The following EFCAB13 variants were observed in gnomAD, a reference collection of about 807,000 sequenced individuals.
EFCAB13 encodes EF-hand calcium-binding domain-containing protein 13.
A neutral mutation model predicts 110.2 loss-of-function variants in EFCAB13; 91 were observed. The observed-to-expected ratio is 0.83, with a 90% CI of 0.70 to 0.98. The LOEUF (loss-of-function observed/expected upper bound fraction) is 0.98. EFCAB13 is among the 50% of genes least tolerant of loss of function. The pLI, the probability that EFCAB13 is intolerant of heterozygous loss-of-function variation, is 0.00. For synonymous variants in EFCAB13, 323 were observed against 369.9 expected (o/e 0.87, Z 1.45); for missense variants, 968 against 1,119.4 (o/e 0.86, Z 1.93).
At position 47,378,967 on chromosome 17, in the gene EFCAB13, G is replaced by A. The variant is rs115541719; in HGVS notation, c.1511-215G>A. On this transcript the variant is annotated intron_variant, in intron 13 of 24. Coordinates refer to ENST00000331493, the MANE Select transcript of EFCAB13 (RefSeq NM_152347.5). ...GTGTCTTTCTTATTTTTGTATTCTC[G>A]GTGCCTAGCATGGTTCTTGGCACTA... Among the ~76,000 whole-genome samples, 379 of 151,818 alleles carry A rather than the reference G, an allele frequency of 2.5e-3. 4 individuals carry two copies. The highest frequency in any genetic ancestry group is 8.9e-3 in the African/African-American group (370 of 41,380).
intron 18 of EFCAB13, among the ~76,000 whole-genome samples, 177 bp downstream of exon 18, chr17:47,402,380 G>C (rs2143445622): frequency 6.6e-6 from 1 of 152,290 alleles, no homozygotes. Flanking sequence ...TAGGAACTTG[G>C]CTTTCAGAAT....
chr17:47,385,476 C>T (rs1441802783), intron 14 of EFCAB13, among the ~76,000 whole-genome samples: 5 of 151,692 alleles, frequency 3.3e-5, no homozygotes, highest in Non-Finnish European at 5.9e-5. Flanking sequence ...GTTCTTGTGC[C>T]GTGTTTTTCA....
In EFCAB13 at chr17:47,379,192, G is replaced by A. The variant is rs139186910; in HGVS notation, c.1521G>A (p.Met507Ile). Residue 507 changes from methionine to isoleucine, a missense_variant, in exon 14 of 25, where the codon ATG becomes ATA. Physicochemically the swap from Met to Ile is conservative, Grantham distance 10 (BLOSUM62 1). Coordinates refer to ENST00000331493, the MANE Select transcript of EFCAB13 (RefSeq NM_152347.5). ...TCTTTTTAAAAACAGAGAATGGAAT[G>A]GTGGAGTTAGATGACTTTGTAAATG... ...VTDTSRNENGMVELDDFVNAL... is the reference protein window; with the variant it reads ...VTDTSRNENGIVELDDFVNAL... The A allele has an allele frequency of 2.5e-4, 404 of 1,612,570 alleles. 1 individual carries two copies. The highest frequency in any genetic ancestry group is 3.2e-4 in the Non-Finnish European group (373 of 1,179,082).
intron 5 of EFCAB13, among the ~76,000 whole-genome samples, chr17:47,336,198 C>T (rs1395445424): frequency 7.3e-5 from 11 of 151,630 alleles, no homozygotes; most frequent in Admixed American, 4.6e-4. Flanking sequence ...GCAGCCATGG[C>T]TCACTGCAAC....
intron 24 of EFCAB13, among the ~76,000 whole-genome samples, chr17:47,439,175 T>TTTG (rs1567810483): frequency 8.0e-6 from 1 of 124,838 alleles, no homozygotes; most frequent in East Asian, 2.8e-4. Context: ...TGTTTTGTTT[T>TTTG]TTTTTTTTTT....
At chr17:47,371,432 T>C (rs1482622557) in intron 11 of EFCAB13, among the ~76,000 whole-genome samples, 1 of 152,192 alleles carries the variant, frequency 6.6e-6, no homozygotes. Flanking sequence ...TTAGTTTCAT[T>C]CTTCTGCATA....
chr17:47,328,045 G>A (rs2065297427), intron 3 of EFCAB13: 1 of 467,484 alleles, frequency 2.1e-6, no homozygotes, highest in Non-Finnish European at 3.8e-6. Context: ...TTTGAAACTG[G>A]ATTTCTCAAA....
At chr17:47,332,151 T>C (rs1382852986) in intron 4 of EFCAB13, among the ~76,000 whole-genome samples, 1 of 152,180 alleles carries the variant, frequency 6.6e-6, no homozygotes, top group Non-Finnish European at 1.5e-5. Context: ...CAAACTGTAT[T>C]CCAAAGTGGT....
intron 23 of EFCAB13, among the ~76,000 whole-genome samples, chr17:47,420,564 A>C: frequency 6.9e-5 from 9 of 130,254 alleles, no homozygotes; most frequent in Non-Finnish European, 9.7e-5. Context: ...CCGGCCGCCC[A>C]TCGTCTGAGA....
In EFCAB13 at chr17:47,429,952, C is replaced by T. The variant is rs777774488; in HGVS notation, c.2629C>T (p.Pro877Ser). Reference sequence around the variant, plus strand: ...ACTTACTGTAATGTTAAGACATGTACCTGAACATGGTTAGTAGTTTCAATG... The same window carrying T: ...ACTTACTGTAATGTTAAGACATGTATCTGAACATGGTTAGTAGTTTCAATG... ...AILTVMLRHV[P>S]EHESGKVSIQ... Residue 877 changes from proline to serine, a missense_variant, in exon 24 of 25, where the codon CCT (proline) becomes TCT (serine). Transcript: ENST00000331493. 6.2e-6 allele frequency: 10 copies of T among 1,602,236 alleles called. No individual in the cohort carries two copies. The South Asian group carries it at 1.1e-4, about 18-fold the overall frequency.
intron 9 of EFCAB13, among the ~76,000 whole-genome samples, chr17:47,351,159 A>G (rs554452245): frequency 2.6e-5 from 4 of 152,132 alleles, no homozygotes; most frequent in Non-Finnish European, 5.9e-5. Flanking sequence ...CTACCTATAA[A>G]TGGCTTTCAT....
At chr17:47,365,359 AAATTCCTCAT>A (rs887347583) in intron 10 of EFCAB13, among the ~76,000 whole-genome samples, 1 of 152,214 alleles carries the variant, frequency 6.6e-6, no homozygotes, top group Non-Finnish European at 1.5e-5. Context: ...GTTTGAGGCA[AAATTCCTCAT>A]AAGGAAGGTC....
At chr17:47,396,561 C>G (rs1049298694) in intron 17 of EFCAB13, among the ~76,000 whole-genome samples, 1 of 152,170 alleles carries the variant, frequency 6.6e-6, no homozygotes, top group Non-Finnish European at 1.5e-5. Context: ...TACAGGTAGA[C>G]ATTTCTACTC....
chr17:47,402,096 A>G (rs368463925), intron 17 of EFCAB13, 36 bp from the exon 18 acceptor site: 179 of 1,574,536 alleles, frequency 1.1e-4, no homozygotes, highest in African/African-American at 5.7e-4. Flanking sequence ...CTTTTGCGTA[A>G]TGAGGTTGGT....
intron 23 of EFCAB13, among the ~76,000 whole-genome samples, chr17:47,424,904 A>T (rs1904889560): frequency 7.8e-5 from 1 of 12,790 alleles, no homozygotes; most frequent in East Asian, 1.1e-3. Flanking sequence ...TTTTTTTGAG[A>T]CGGAGTCTCG....
chr17:47,377,725 A>T, intron 12 of EFCAB13, 41 bp from the exon 13 acceptor site: 1 of 1,494,178 alleles, frequency 6.7e-7, no homozygotes, highest in Non-Finnish European at 8.9e-7. Context: ...TTGACACATA[A>T]ATTCTGTTGC....
At chr17:47,336,288 G>A (rs916505650) in intron 5 of EFCAB13, among the ~76,000 whole-genome samples, 33 of 134,938 alleles carry the variant, frequency 2.4e-4, no homozygotes, top group Admixed American at 2.1e-3. Flanking sequence ...CGTCACACTC[G>A]GCTATTTTTT....
Position 47,347,846 on chromosome 17 carries a change from AGTG to A in EFCAB13, c.559_561del (p.Gly187del). The A allele has an allele frequency of 1.3e-6, 2 of 1,533,184 alleles. No homozygotes were observed. Among genetic ancestry groups the A allele is most frequent in the Non-Finnish European group, 1.8e-6 (2 of 1,128,294 alleles). The allele number at this position is 1,533,184 out of a possible 1,614,324, so 95.0% of individuals were successfully genotyped here. ...CTGTAAAATTTTTAGTAAAATTCGA[AGTG>A]GTAAGATTTATGTGAATGATCTTCC... On this transcript the variant is annotated inframe_deletion, in exon 9 of 25. Transcript: ENST00000331493.
intron 12 of EFCAB13, among the ~76,000 whole-genome samples, chr17:47,376,025 G>A (rs2065613571): frequency 6.6e-6 from 1 of 152,068 alleles, no homozygotes; most frequent in Non-Finnish European, 1.5e-5. Context: ...CAGTGTGTGT[G>A]GAACCCAGTT....
Sources: gnomAD v4.1 joint callset for allele counts (sites outside exome capture counted in the v4.1 genomes callset) on GRCh38, gnomAD v4.1.1 for gene constraint, MANE v1.5 for transcripts, NCBI Gene and HGNC (gene_info 2026-07-23, HGNC 2026-07-21) for gene names.